CTDSP1: variants seen among roughly 807,000 people sequenced by gnomAD.
The protein encoded by CTDSP1 is CTD small phosphatase 1.
CTDSP1 carries 15 observed loss-of-function variants against 32.5 expected under a neutral mutation model. That is an observed-to-expected ratio of 0.46 (90% CI 0.31 to 0.71). CTDSP1 has a LOEUF of 0.71. CTDSP1 is among the 30% of genes least tolerant of loss of function. CTDSP1 has a pLI of 0.05. For missense variants in CTDSP1, 294 were observed against 351.1 expected (o/e 0.84, Z 1.30); for synonymous variants, 185 against 145.4 (o/e 1.27, Z -1.96).
At position 218,404,309 on chromosome 2, in the gene CTDSP1, T is replaced by C. The variant is rs1697305673; in HGVS notation, c.670T>C (p.Ser224Pro). 6.2e-7 allele frequency: 1 copy of C among 1,613,918 alleles called. No homozygotes were observed. The highest frequency in any genetic ancestry group is 8.5e-7 in the Non-Finnish European group (1 of 1,179,984). Residue 224 changes from serine (S) to proline (P), a missense_variant, in exon 7 of 7, where the codon TCG (serine) becomes CCG (proline). Ser to Pro is a moderately conservative substitution (Grantham distance 74). This residue lies in a region of CTDSP1 where 146 missense variants were observed against 237.7 expected (regional missense o/e 0.61). Transcript: ENST00000273062. ...CCCACTTCCCCAGGTACCGGTGGCC[T>C]CGTGGTTTGACAACATGAGTGACAC... Reference protein sequence around the residue: ...FHPDNAVPVASWFDNMSDTEL... With the variant: ...FHPDNAVPVAPWFDNMSDTEL...
intron 6 of CTDSP1, 89 bp from the exon 7 acceptor site, chr2:218,404,208 G>C: frequency 6.6e-7 from 1 of 1,504,086 alleles, no homozygotes; most frequent in Non-Finnish European, 9.1e-7. Flanking sequence ...GAAACTGCAT[G>C]ATCTGAGTAG....
At chr2:218,397,399 G>A (rs993854244), upstream of CTDSP1, among the ~76,000 whole-genome samples, 9 of 152,120 alleles carry the variant, frequency 5.9e-5, no homozygotes, top group Admixed American at 3.3e-4. Context: ...GGCCTCCCAG[G>A]GAGGGCGTGG....
intron 1 of CTDSP1, chr2:218,400,831 C>T (rs1435726572): frequency 2.2e-6 from 1 of 455,262 alleles, no homozygotes; most frequent in Non-Finnish European, 4.4e-6. Context: ...CGTGGCTGGG[C>T]CGGGGTGGGG....
chr2:218,404,079 C>T (rs897319252), intron 6 of CTDSP1, among the ~76,000 whole-genome samples: 2 of 151,994 alleles, frequency 1.3e-5, no homozygotes, highest in African/African-American at 2.4e-5. Flanking sequence ...AAAAAGTATC[C>T]GAGTGCTTCG....
In CTDSP1 at chr2:218,403,017, C is replaced by CACTGGCCCGCAGCCCCCTA; in HGVS notation, c.379-8_379-7insAGCCCCCTAACTGGCCCGC. The CACTGGCCCGCAGCCCCCTA allele has an allele frequency of 6.2e-7, 1 of 1,607,926 alleles. No individual in the cohort carries two copies. The highest frequency in any genetic ancestry group is 8.5e-7 in the Non-Finnish European group (1 of 1,174,914). ...CTGCCCCACTGGCCCGCAGCCCCCT[C>CACTGGCCCGCAGCCCCCTA]ACTGGCCCGCCCCCCAGGTCTACGT... On this transcript the variant is annotated splice_polypyrimidine_tract_variant and intron_variant, in intron 4 of 6. Coordinates refer to ENST00000273062, the MANE Select transcript of CTDSP1 (RefSeq NM_021198.3).
intron 4 of CTDSP1, 126 bp from the exon 5 acceptor site, chr2:218,402,909 A>G: frequency 4.1e-6 from 3 of 723,842 alleles, no homozygotes; most frequent in Non-Finnish European, 7.4e-6. Flanking sequence ...TAGCTGGCCA[A>G]GCGGAGCCTG....
chr2:218,405,163 TGTG>T lies in CTDSP1; in HGVS notation c.*742_*744del, dbSNP rs1233441453. On this transcript the variant is annotated 3_prime_UTR_variant, in exon 7 of 7. Transcript: ENST00000273062. Reference sequence around the variant, plus strand: ...GTGGGGGCATAGGCAGGACCCCCCTTGTGGTGCCATATAAATATGTACATGTGT... The same window carrying T: ...GTGGGGGCATAGGCAGGACCCCCCTTGTGCCATATAAATATGTACATGTGT... 2 of 152,716 alleles carry T rather than the reference TGTG, an allele frequency of 1.3e-5. No homozygotes were observed. Among genetic ancestry groups the T allele is most frequent in the East Asian group, 3.8e-4 (2 of 5,296 alleles). The allele number at this position is 152,716 out of a possible 1,614,324, so 9.5% of individuals were successfully genotyped here. A position where few individuals can be genotyped will look rare whatever the true frequency, so the allele number is the denominator to read the frequency against.
At chr2:218,398,140 A>C (rs1341507909), upstream of CTDSP1, 1 of 505,840 alleles carries the variant, frequency 2.0e-6, no homozygotes, top group Non-Finnish European at 3.6e-6. Flanking sequence ...TTTTGGGGTC[A>C]TGAGGGCCCC....
At chr2:218,400,552 A>AC (rs1050783340) in intron 1 of CTDSP1, 24 of 305,564 alleles carry the variant, frequency 7.9e-5, no homozygotes, top group Middle Eastern at 1.1e-3. Flanking sequence ...CCCCACCCCC[A>AC]CCCCCCCGGG....
upstream of CTDSP1, chr2:218,399,613 G>A (rs893203095): frequency 1.0e-5 from 6 of 587,916 alleles, no homozygotes; most frequent in Non-Finnish European, 1.1e-5. Flanking sequence ...CTTGGCCGAG[G>A]GCGCTCGGCG....
intron 1 of CTDSP1, chr2:218,400,782 C>G (rs775401231): frequency 2.2e-6 from 1 of 454,166 alleles, no homozygotes; most frequent in Admixed American, 2.4e-5. Context: ...CGCACCACCC[C>G]GCAAAGCCTC....
chr2:218,402,264 C>T lies in CTDSP1; in HGVS notation c.321+49C>T, dbSNP rs902184043. 6.8e-6 allele frequency: 11 copies of T among 1,610,710 alleles called. No homozygotes were observed. In the African/African-American group the frequency reaches 1.1e-4, roughly 16 times the overall value. On this transcript the variant is annotated intron_variant, in intron 3 of 6. Transcript: ENST00000273062. ...AGCCCGGGTCTCGGGGGGCATCCCC[C>T]ACCCTGGCCTGGGAGGGAGGTGTGT...
intron 1 of CTDSP1, chr2:218,400,737 G>A: frequency 2.2e-6 from 1 of 455,724 alleles, no homozygotes; most frequent in Non-Finnish European, 4.4e-6. Context: ...AGAGTCGCTT[G>A]GCGCCCGCGG....
upstream of CTDSP1, chr2:218,396,727 C>G (rs1236054202): frequency 1.3e-5 from 2 of 152,518 alleles, no homozygotes; most frequent in South Asian, 2.1e-4. Context: ...GGATGGGGGA[C>G]GTTTAGCGAA....
chr2:218,400,154 A>C lies in CTDSP1; in HGVS notation c.64A>C (p.Lys22Gln), dbSNP rs1001911108. Residue 22 changes from lysine to glutamine, a missense_variant, in exon 1 of 7, where the codon AAA becomes CAA. Physicochemically the swap from Lys to Gln is moderately conservative, Grantham distance 53. This residue lies in a region of CTDSP1 where 148 missense variants were observed against 113.3 expected (regional missense o/e 1.31). Coordinates refer to ENST00000273062, the MANE Select transcript of CTDSP1 (RefSeq NM_021198.3). ...KEEARGPLRG[K>Q]GDQKSAASQK... ...GGAGGCTCGGGGCCCGCTGCGGGGC[A>C]AAGGTACCGGGGCTGCGGGGAGGGG... The C allele has an allele frequency of 3.0e-5, 47 of 1,544,506 alleles. 1 individual carries two copies. The Admixed American group carries it at 9.1e-4, about 30-fold the overall frequency.
At chr2:218,401,270 G>A (rs951033892) in intron 1 of CTDSP1, 2 of 487,082 alleles carry the variant, frequency 4.1e-6, no homozygotes, top group East Asian at 7.8e-5. Flanking sequence ...AGTCATGGAG[G>A]CTGTGAGAGG....
At chr2:218,397,555 C>T (rs1574788403), upstream of CTDSP1, among the ~76,000 whole-genome samples, 1 of 152,226 alleles carries the variant, frequency 6.6e-6, no homozygotes, top group Non-Finnish European at 1.5e-5. Context: ...CTTCCAAATC[C>T]ACAGGTGCCA....
At chr2:218,398,600 C>A, upstream of CTDSP1, 1 of 600,416 alleles carries the variant, frequency 1.7e-6, no homozygotes, top group Non-Finnish European at 2.6e-6. Flanking sequence ...CGGGGCCTCC[C>A]CTCCCCGGCT....
Position 218,405,890 on chromosome 2 carries a change from T to TC in CTDSP1, c.*1465_*1466insC, listed in dbSNP as rs1491317719. 1 of 152,952 alleles carries TC rather than the reference T, an allele frequency of 6.5e-6. No homozygotes were observed. Among genetic ancestry groups the TC allele is most frequent in the East Asian group, 1.9e-4 (1 of 5,338 alleles). 9.5% of individuals were successfully genotyped at this position (152,952 alleles called of 1,614,324 possible). The stretch of plus-strand genomic sequence containing the variant: ...GGCCTTCCCATTTAAGTGCCTTCTC[T>TC]GTGACTGAGAGCCCTAGTGTGATGA... On this transcript the variant is annotated 3_prime_UTR_variant, in exon 7 of 7. Transcript: ENST00000273062.
Sources: gnomAD v4.1 joint callset for allele counts (sites outside exome capture counted in the v4.1 genomes callset) on GRCh38, gnomAD v4.1.1 for gene constraint, gnomAD v4.1.1 regional missense constraint, MANE v1.5 for transcripts, NCBI Gene and HGNC (gene_info 2026-07-23, HGNC 2026-07-21) for gene names.